Variants in LARP1B observed in about 807,000 individuals in gnomAD.
LARP1B encodes la-related protein 1B.
In LARP1B, 76 loss-of-function variants were observed where a neutral mutation model predicts 114.2. The ratio of observed to expected loss-of-function variants is 0.67; its 90% CI spans 0.55 to 0.81. LARP1B has a LOEUF of 0.81. Ranked by LOEUF, LARP1B falls within the 30% of genes least tolerant of loss-of-function variation. The pLI is 0.00. For missense variants in LARP1B, 1,014 were observed against 1,075.8 expected (o/e 0.94, Z 0.80); for synonymous variants, 345 against 348.0 (o/e 0.99, Z 0.10).
chr4:128,169,226 A>G (rs1018163385), intron 12 of LARP1B, among the ~76,000 whole-genome samples: 1 of 151,388 alleles, frequency 6.6e-6, no homozygotes, highest in African/African-American at 2.4e-5. Flanking sequence ...CTTTATTTTT[A>G]TTCCAGGTTT....
intron 1 of LARP1B, among the ~76,000 whole-genome samples, chr4:128,066,763 C>G (rs577735834): frequency 3.3e-5 from 5 of 150,864 alleles, no homozygotes; most frequent in Non-Finnish European, 7.4e-5. Context: ...AGGTGTGAAC[C>G]ACCGTGCCTG....
At chr4:128,128,765 A>C (rs1452921681) in intron 11 of LARP1B, among the ~76,000 whole-genome samples, 1 of 152,156 alleles carries the variant, frequency 6.6e-6, no homozygotes, top group Non-Finnish European at 1.5e-5. Flanking sequence ...CTGTTTGTAC[A>C]AAAAAACACA....
At chr4:128,133,848 C>T (rs1232361100) in intron 11 of LARP1B, among the ~76,000 whole-genome samples, 1 of 151,942 alleles carries the variant, frequency 6.6e-6, no homozygotes, top group East Asian at 1.9e-4. Context: ...AGGCCTGCAC[C>T]ACCATGCCCG....
At chr4:128,078,163 C>T (rs948821088) in intron 4 of LARP1B, among the ~76,000 whole-genome samples, 3 of 152,044 alleles carry the variant, frequency 2.0e-5, no homozygotes, top group African/African-American at 7.2e-5. Context: ...AACTTGTATT[C>T]TATGCAAGAA....
intron 11 of LARP1B, among the ~76,000 whole-genome samples, chr4:128,157,092 T>C (rs1425510396): frequency 6.6e-6 from 1 of 151,924 alleles, no homozygotes; most frequent in Non-Finnish European, 1.5e-5. Flanking sequence ...AGACCCCTAG[T>C]GATCCAGAAA....
At chr4:128,068,257 A>G (rs1763837481) in intron 1 of LARP1B, among the ~76,000 whole-genome samples, 1 of 151,322 alleles carries the variant, frequency 6.6e-6, no homozygotes. Flanking sequence ...ACCTCAGATG[A>G]TTGACCCACC....
At chr4:128,109,972 C>T (rs562381724) in intron 9 of LARP1B, among the ~76,000 whole-genome samples, 3 of 152,240 alleles carry the variant, frequency 2.0e-5, no homozygotes, top group African/African-American at 7.2e-5. Flanking sequence ...GGCGCAGTCT[C>T]GGCTCACTGC....
At chr4:128,126,297 G>A (rs1011034390) in intron 11 of LARP1B, among the ~76,000 whole-genome samples, 14 of 151,446 alleles carry the variant, frequency 9.2e-5, no homozygotes, top group African/African-American at 3.4e-4. Flanking sequence ...AATTTTTTAT[G>A]TTTTTTGTAG....
At chr4:128,134,686 A>G (rs1241731292) in intron 11 of LARP1B, among the ~76,000 whole-genome samples, 1 of 152,238 alleles carries the variant, frequency 6.6e-6, no homozygotes, top group Non-Finnish European at 1.5e-5. Context: ...TTTGCAAATT[A>G]TATATCTGAT....
At chr4:128,071,989 T>G (rs982909240) in intron 1 of LARP1B, among the ~76,000 whole-genome samples, 2 of 122,690 alleles carry the variant, frequency 1.6e-5, no homozygotes, top group Non-Finnish European at 3.4e-5. Context: ...GTTTTATTAT[T>G]TATTTATTTT....
chr4:128,169,499 A>G (rs552681784), intron 12 of LARP1B, among the ~76,000 whole-genome samples: 42 of 152,220 alleles, frequency 2.8e-4, no homozygotes, highest in Admixed American at 4.6e-4. Context: ...AAATTTGGAT[A>G]TCTTCCTGAA....
intron 9 of LARP1B, chr4:128,108,189 G>T (rs971066531): frequency 2.3e-5 from 28 of 1,216,624 alleles, no homozygotes; most frequent in East Asian, 6.7e-5. Context: ...TTTTATTCAT[G>T]GTGGGAAAGT....
chr4:128,180,467 A>G (rs1196525797), intron 15 of LARP1B, among the ~76,000 whole-genome samples: 1 of 152,140 alleles, frequency 6.6e-6, no homozygotes. Flanking sequence ...ATTATTTTAC[A>G]TTGTTCTTAC....
At chr4:128,166,931 TC>T (rs1554050089) in intron 12 of LARP1B, among the ~76,000 whole-genome samples, 1 of 31,142 alleles carries the variant, frequency 3.2e-5, no homozygotes, top group African/African-American at 1.2e-4. Context: ...TATATTCTAT[TC>T]TCTCTCTCTC....
chr4:128,141,538 T>A (rs1011919046), intron 11 of LARP1B, among the ~76,000 whole-genome samples: 3 of 152,190 alleles, frequency 2.0e-5, no homozygotes, highest in Non-Finnish European at 4.4e-5. Context: ...CTTAATCTCA[T>A]CGTTAGGCTC....
At chr4:128,152,030 T>A (rs1733025342) in intron 11 of LARP1B, among the ~76,000 whole-genome samples, 1 of 152,224 alleles carries the variant, frequency 6.6e-6, no homozygotes, top group African/African-American at 2.4e-5. Context: ...GTCATTTGGT[T>A]ATGATGATAT....
At chr4:128,212,731 T>C (rs983383646), downstream of LARP1B, among the ~76,000 whole-genome samples, 3 of 152,132 alleles carry the variant, frequency 2.0e-5, no homozygotes, top group African/African-American at 7.2e-5. Flanking sequence ...ATAAAAGAGT[T>C]ACTGTCAAGA....
chr4:128,205,890 C>A (rs1757439107), intron 17 of LARP1B, among the ~76,000 whole-genome samples: 3 of 152,198 alleles, frequency 2.0e-5, no homozygotes, highest in Non-Finnish European at 2.9e-5. Flanking sequence ...TGTCCAAGGG[C>A]TGCCTTTCAT....
At chr4:128,086,833 C>T (rs1433875138) in intron 5 of LARP1B, among the ~76,000 whole-genome samples, 1 of 152,038 alleles carries the variant, frequency 6.6e-6, no homozygotes, top group African/African-American at 2.4e-5. Flanking sequence ...CAAAGCCTCA[C>T]TCTGTCACCC....
Sources: gnomAD v4.1 joint callset for allele counts (sites outside exome capture counted in the v4.1 genomes callset) on GRCh38, gnomAD v4.1.1 for gene constraint, MANE v1.5 for transcripts, NCBI Gene and HGNC (gene_info 2026-07-23, HGNC 2026-07-21) for gene names.